The following SYNE1 variants were observed in gnomAD, a reference collection of about 807,000 sequenced individuals.
SYNE1 encodes the protein spectrin repeat containing nuclear envelope protein 1.
Under a neutral mutation model 1,111.0 loss-of-function variants are expected in SYNE1, and 616 were observed. The ratio of observed to expected loss-of-function variants is 0.55; its 90% CI spans 0.52 to 0.59. The LOEUF is 0.59. SYNE1 is among the 20% of genes least tolerant of loss of function. SYNE1 has a pLI of 0.00. For synonymous variants in SYNE1, 3,855 were observed against 3,825.8 expected (o/e 1.01, Z -0.28); for missense variants, 10,006 against 10,417.0 (o/e 0.96, Z 1.72).
rs940141604 is a variant in SYNE1, at chr6:152,387,059, A to G, written c.8487+13T>C. On this transcript the variant is annotated intron_variant, in intron 54 of 145. Coordinates refer to ENST00000367255, the MANE Select transcript of SYNE1 (RefSeq NM_182961.4). Reference sequence around the variant, plus strand: ...GTATTATAAAGCATCTACTTTCAATATAAAGCACTAACCTTGGCAACAGTC... The same window carrying G: ...GTATTATAAAGCATCTACTTTCAATGTAAAGCACTAACCTTGGCAACAGTC... 3 of 1,607,492 alleles carry G rather than the reference A, an allele frequency of 1.9e-6. No homozygotes were observed. Among genetic ancestry groups the G allele is most frequent in the African/African-American group, 1.3e-5 (1 of 74,706 alleles).
intron 24 of SYNE1, among the ~76,000 whole-genome samples, chr6:152,454,148 C>T (rs1295499558): frequency 1.3e-5 from 2 of 149,356 alleles, no homozygotes; most frequent in Non-Finnish European, 1.5e-5. Context: ...GATGCTTCAT[C>T]ATGAGCCATT....
chr6:152,403,346 G>A (rs2154154880), intron 46 of SYNE1, among the ~76,000 whole-genome samples: 1 of 152,294 alleles, frequency 6.6e-6, no homozygotes, highest in Middle Eastern at 3.4e-3. Flanking sequence ...GTGAAGGGAG[G>A]TTTATAGTGG....
Position 152,450,766 on chromosome 6 carries a change from C to A in SYNE1, c.3254G>T (p.Cys1085Phe). The change falls in exon 27 of 146, where the codon TGT (cysteine) becomes TTT (phenylalanine). Residue 1085 changes from cysteine (C) to phenylalanine (F), a missense_variant. Cys to Phe is a radical substitution (Grantham distance 205). Transcript: ENST00000367255. ...TGGGTCCCGCACTGGGAGTTTCACA[C>A]AGAGTTCCTCGATGAGCTGTAACCT... The part of the protein sequence containing the change: ...EKRLQLIEEL[C>F]VKLPVRDPVR... 1 of 1,614,096 alleles carries A rather than the reference C, an allele frequency of 6.2e-7. No individual in the cohort carries two copies. The highest frequency in any genetic ancestry group is 8.5e-7 in the Non-Finnish European group (1 of 1,180,008).
In SYNE1 at chr6:152,326,516, C is replaced by A; in HGVS notation, c.15073G>T (p.Val5025Leu). The A allele has an allele frequency of 6.2e-7, 1 of 1,614,194 alleles. No homozygotes were observed. ...TTGAGATTTTCCTCTGCGCTCTCCA[C>A]GTCTAGGCCATTGCCTGCCAGCTGT... ...LLQLAGNGLD[V>L]ESAEENLKSH... The change falls in exon 79 of 146, where the codon GTG becomes TTG. Residue 5025 changes from valine (V) to leucine (L), a missense_variant. Transcript: ENST00000367255.
rs1344450007 is a variant in SYNE1 at position 152,410,712 on chromosome 6, T to C, written c.6231-1003A>G. Among the ~76,000 whole-genome samples the C allele has an allele frequency of 2.0e-5, 3 of 152,128 alleles. No homozygotes were observed. The East Asian group carries it at 5.8e-4, about 29-fold the overall frequency. ...CACCACTGTGCTCCAGCCTGGGCGA[T>C]AGAGGGAGACTATCTCATAAAAGAA... On this transcript the variant is annotated intron_variant, in intron 42 of 145. Transcript: ENST00000367255.
At chr6:152,310,291 T>TA (rs1002129137) in intron 89 of SYNE1, 105 bp downstream of exon 89, 146 of 1,497,110 alleles carry the variant, frequency 9.8e-5, no homozygotes, top group Non-Finnish European at 1.1e-4. Context: ...AAAAATAAAT[T>TA]AAAAAAAATA....
At chr6:152,242,559 T>A in intron 106 of SYNE1, 119 bp from the exon 107 acceptor site, 1 of 1,062,944 alleles carries the variant, frequency 9.4e-7, no homozygotes, top group African/African-American at 1.6e-5. Context: ...TTCAGGGATG[T>A]GCCTCCTGGA....
intron 104 of SYNE1, 59 bp downstream of exon 104, chr6:152,254,817 GTGAC>G (rs1260017726): frequency 1.2e-5 from 18 of 1,443,340 alleles, no homozygotes; most frequent in South Asian, 1.2e-4. Context: ...ACACAGACTC[GTGAC>G]TGACTATTAC....
chr6:152,491,466 T>C (rs1409224942), intron 11 of SYNE1, among the ~76,000 whole-genome samples: 3 of 152,140 alleles, frequency 2.0e-5, no homozygotes, highest in African/African-American at 7.2e-5. Flanking sequence ...TTCCCCCTTC[T>C]TCTCCCTTAG....
intron 131 of SYNE1, 110 bp from the exon 132 acceptor site, chr6:152,156,207 A>G: frequency 9.0e-7 from 1 of 1,117,096 alleles, no homozygotes; most frequent in Middle Eastern, 2.2e-4. Flanking sequence ...CAAATATTTA[A>G]TTTCCTTGAA....
intron 59 of SYNE1, 92 bp downstream of exon 59, chr6:152,372,945 G>A: frequency 2.9e-6 from 4 of 1,379,850 alleles, no homozygotes; most frequent in South Asian, 1.2e-5. Flanking sequence ...TCATTGACAA[G>A]GGGGCTTTGA....
Position 152,233,815 on chromosome 6 carries a change from G to A in SYNE1, c.20678C>T (p.Thr6893Ile), listed in dbSNP as rs2083349018. The A allele has an allele frequency of 6.2e-7, 1 of 1,614,140 alleles. No homozygotes were observed. Among genetic ancestry groups the A allele is most frequent in the South Asian group, 1.1e-5 (1 of 91,080 alleles). ...RIDSQWTDLL[T>I]NIPAVQEKLH... Reference sequence around the variant, plus strand: ...CTTCTCCTGGACGGCTGGGATATTGGTTAGCAGGTCAGTCCACTGGCTATC... The same window carrying A: ...CTTCTCCTGGACGGCTGGGATATTGATTAGCAGGTCAGTCCACTGGCTATC... Residue 6893 changes from threonine to isoleucine, a missense_variant, in exon 112 of 146, where the codon ACC (threonine) becomes ATC (isoleucine). This residue lies in a region of SYNE1 where 2,182 missense variants were observed against 2,287.8 expected (regional missense o/e 0.95). Transcript: ENST00000367255.
intron 3 of SYNE1, among the ~76,000 whole-genome samples, chr6:152,582,740 C>T (rs2099524771): frequency 1.3e-5 from 2 of 152,038 alleles, no homozygotes; most frequent in South Asian, 4.1e-4. Context: ...TCCTTCCATC[C>T]TTCCCTTTTT....
At chr6:152,486,537 A>AT (rs1211049234) in intron 12 of SYNE1, among the ~76,000 whole-genome samples, 1 of 152,192 alleles carries the variant, frequency 6.6e-6, no homozygotes, top group African/African-American at 2.4e-5. Context: ...CTTGGAATTT[A>AT]TTTTTTGATA....
At chr6:152,517,766 G>A (rs183939705) in intron 6 of SYNE1, among the ~76,000 whole-genome samples, 1 of 152,184 alleles carries the variant, frequency 6.6e-6, no homozygotes, top group African/African-American at 2.4e-5. Context: ...AAGAAAGACG[G>A]GGATATATGA....
At chr6:152,462,528 G>T (rs2098740517) in intron 20 of SYNE1, 3 of 612,270 alleles carry the variant, frequency 4.9e-6, no homozygotes, top group Non-Finnish European at 8.4e-6. Context: ...TCCAAACTGA[G>T]AAACAATTTG....
chr6:152,375,741 A>T (rs1245371813), intron 58 of SYNE1, among the ~76,000 whole-genome samples: 1 of 152,192 alleles, frequency 6.6e-6, no homozygotes, highest in African/African-American at 2.4e-5. Flanking sequence ...TTGTTGTGAA[A>T]ATTAAATGAG....
At chr6:152,232,287 C>T (rs1399752691) in intron 112 of SYNE1, 22 bp from the exon 113 acceptor site, 8 of 1,613,518 alleles carry the variant, frequency 5.0e-6, no homozygotes, top group Non-Finnish European at 6.8e-6. Context: ...AGGGAGAGAA[C>T]CAGTCCCAAG....
chr6:152,164,203 C>T lies in SYNE1; in HGVS notation c.23750G>A (p.Cys7917Tyr). 1.2e-6 allele frequency: 2 copies of T among 1,614,144 alleles called. No individual in the cohort carries two copies. Among genetic ancestry groups the T allele is most frequent in the Non-Finnish European group, 8.5e-7 (1 of 1,180,036 alleles). ...CTTTCTCTGTATTTCTTCCGAGTTA[C>T]AGGAATCGTAGACTATTGGCTTGGC... ...ELAKPIVYDS[C>Y]NSEEIQRKLN... Residue 7917 changes from cysteine (C) to tyrosine (Y), a missense_variant, in exon 131 of 146, where the codon TGT becomes TAT. By Grantham distance (194) the Cys-to-Tyr change is radical. Coordinates refer to ENST00000367255, the MANE Select transcript of SYNE1 (RefSeq NM_182961.4).
Sources: allele counts gnomAD v4.1 joint callset (sites outside exome capture counted in the v4.1 genomes callset), GRCh38; gene constraint gnomAD v4.1.1; regional missense constraint gnomAD v4.1.1; transcripts MANE v1.5; gene names NCBI Gene and HGNC (gene_info 2026-07-23, HGNC 2026-07-21).